The following CDH18 variants were observed in gnomAD, a reference collection of about 807,000 sequenced individuals.
CDH18 encodes the protein cadherin 18, also known as cadherin-18.
CDH18 carries 31 observed loss-of-function variants against 67.9 expected under a neutral mutation model. That is an observed-to-expected ratio of 0.46 (90% CI 0.34 to 0.62). CDH18 has a LOEUF of 0.62. Among genes scored for constraint, CDH18 ranks in the 20% least tolerant of loss-of-function variants. The probability of loss-of-function intolerance (pLI) is 0.01; values close to 1 mark genes in which losing one functional copy is unlikely to be tolerated. For synonymous variants in CDH18, 362 were observed against 347.2 expected (o/e 1.04, Z -0.48); for missense variants, 890 against 975.5 (o/e 0.91, Z 1.17).
intron 2 of CDH18, among the ~76,000 whole-genome samples, chr5:19,920,808 G>A (rs947920823): frequency 9.9e-5 from 15 of 151,492 alleles, no homozygotes; most frequent in Admixed American, 7.2e-4. Context: ...CACCGTGCCC[G>A]GCCCCATTTA....
chr5:20,258,090 C>G (rs1157172536), intron 1 of CDH18, among the ~76,000 whole-genome samples: 1 of 152,080 alleles, frequency 6.6e-6, no homozygotes. Context: ...AAAGTCCCTA[C>G]AGGTTGTCCA....
At chr5:19,746,357 A>G (rs538950617) in intron 4 of CDH18, among the ~76,000 whole-genome samples, 13 of 152,246 alleles carry the variant, frequency 8.5e-5, no homozygotes, top group African/African-American at 2.9e-4. Flanking sequence ...TGACTTAAAT[A>G]CTTTATGCCA....
intron 4 of CDH18, among the ~76,000 whole-genome samples, chr5:19,735,193 T>A (rs150170684): frequency 2.0e-5 from 3 of 152,126 alleles, no homozygotes; most frequent in Non-Finnish European, 4.4e-5. Context: ...GAAATGTCAC[T>A]TGGTTCTTTA....
chr5:20,515,619 C>T (rs2126501254), intron 1 of CDH18, among the ~76,000 whole-genome samples: 1 of 152,150 alleles, frequency 6.6e-6, no homozygotes, highest in African/African-American at 2.4e-5. Context: ...AAATTCTATA[C>T]TCAGGTTAAT....
At chr5:20,179,722 G>A (rs1224582066) in intron 2 of CDH18, among the ~76,000 whole-genome samples, 1 of 152,114 alleles carries the variant, frequency 6.6e-6, no homozygotes, top group Non-Finnish European at 1.5e-5. Flanking sequence ...CACAAACTTT[G>A]GAGATTTGGA....
intron 1 of CDH18, among the ~76,000 whole-genome samples, chr5:20,411,819 C>A (rs1333766490): frequency 6.6e-6 from 1 of 151,794 alleles, no homozygotes; most frequent in Non-Finnish European, 1.5e-5. Flanking sequence ...AGGAATACAT[C>A]TAACCAAGGA....
intron 1 of CDH18, among the ~76,000 whole-genome samples, chr5:20,515,424 A>C (rs576394690): frequency 6.6e-6 from 1 of 151,886 alleles, no homozygotes; most frequent in South Asian, 2.1e-4. Flanking sequence ...TACACTCAAC[A>C]CTTTTCTTGG....
chr5:20,513,385 A>G (rs150284086), intron 1 of CDH18, among the ~76,000 whole-genome samples: 166 of 152,250 alleles, frequency 1.1e-3, no homozygotes, highest in African/African-American at 3.9e-3. Context: ...TTTCTGTGAA[A>G]ATGCTGTTCC....
intron 3 of CDH18, among the ~76,000 whole-genome samples, chr5:19,810,254 T>C (rs62355781): frequency 0.088 from 13,433 of 151,854 alleles, 601 homozygotes; most frequent in African/African-American, 0.1. Context: ...TCACTTGAAC[T>C]TGGGAGGTGG....
At chr5:19,987,536 GA>G (rs1020540507) in intron 1 of CDH18, among the ~76,000 whole-genome samples, 145 of 140,642 alleles carry the variant, frequency 1.0e-3, no homozygotes, top group Middle Eastern at 3.7e-3. Flanking sequence ...TTCGTGGGAA[GA>G]AAAAAAAAAA....
intron 6 of CDH18, among the ~76,000 whole-genome samples, chr5:19,598,448 A>C (rs981239451): frequency 6.6e-6 from 1 of 152,098 alleles, no homozygotes; most frequent in African/African-American, 2.4e-5. Context: ...TATTTGGAAA[A>C]TTTAAAATGT....
chr5:20,141,843 G>C (rs762660982), intron 2 of CDH18, among the ~76,000 whole-genome samples: 2 of 151,774 alleles, frequency 1.3e-5, no homozygotes, highest in Non-Finnish European at 2.9e-5. Flanking sequence ...TTAACTGAAG[G>C]GGAGTTTTAT....
chr5:20,309,167 TTCTA>T (rs1301023791), intron 1 of CDH18, among the ~76,000 whole-genome samples: 1 of 152,210 alleles, frequency 6.6e-6, no homozygotes, highest in Non-Finnish European at 1.5e-5. Flanking sequence ...ACTGCTACTG[TTCTA>T]TCTCATACAA....
chr5:19,905,130 A>T (rs1043049400), intron 2 of CDH18, among the ~76,000 whole-genome samples: 1 of 152,206 alleles, frequency 6.6e-6, no homozygotes, highest in African/African-American at 2.4e-5. Flanking sequence ...GTGAAAAGAA[A>T]AATGAAGTTC....
intron 2 of CDH18, among the ~76,000 whole-genome samples, chr5:20,053,399 C>G (rs190494077): frequency 6.6e-6 from 1 of 151,932 alleles, no homozygotes; most frequent in Non-Finnish European, 1.5e-5. Context: ...TCGATCCAGT[C>G]TAGTGATTAA....
intron 7 of CDH18, among the ~76,000 whole-genome samples, chr5:19,584,240 C>T (rs1743730979): frequency 6.6e-6 from 1 of 152,088 alleles, no homozygotes; most frequent in African/African-American, 2.4e-5. Context: ...AGTGTATTTA[C>T]AATGTACCAC....
intron 2 of CDH18, among the ~76,000 whole-genome samples, chr5:19,856,608 G>A (rs1302980185): frequency 1.3e-5 from 2 of 151,994 alleles, no homozygotes; most frequent in Admixed American, 1.3e-4. Flanking sequence ...CTTCAAAGAG[G>A]TTATCAAGTT....
At chr5:20,296,039 T>C (rs1429701447) in intron 1 of CDH18, among the ~76,000 whole-genome samples, 1 of 149,828 alleles carries the variant, frequency 6.7e-6, no homozygotes, top group Non-Finnish European at 1.5e-5. Flanking sequence ...GCCTGGCTAA[T>C]TATTTTTTGT....
intron 1 of CDH18, among the ~76,000 whole-genome samples, chr5:20,448,388 A>T (rs1008064074): frequency 8.6e-5 from 13 of 151,940 alleles, no homozygotes; most frequent in African/African-American, 3.1e-4. Flanking sequence ...GATCTCTTTC[A>T]TCAGGCATGA....
Sources: gnomAD v4.1 joint callset for allele counts (sites outside exome capture counted in the v4.1 genomes callset) on GRCh38, gnomAD v4.1.1 for gene constraint, MANE v1.5 for transcripts, NCBI Gene and HGNC (gene_info 2026-07-23, HGNC 2026-07-21) for gene names.